Variants in SH3GL2 observed in about 807,000 individuals in gnomAD.
SH3GL2 encodes SH3 domain containing GRB2 like 2, endophilin A1.
Under a neutral mutation model 46.0 loss-of-function variants are expected in SH3GL2, and 24 were observed. That is an observed-to-expected ratio of 0.52 (90% CI 0.38 to 0.73). The LOEUF is 0.73. SH3GL2 is among the 30% of genes least tolerant of loss of function. SH3GL2 has a pLI of 0.00. For missense variants in SH3GL2, 413 were observed against 424.2 expected, an observed-to-expected ratio of 0.97 and a Z score of 0.23; for synonymous variants, 196 against 147.1, an observed-to-expected ratio of 1.33 and a Z score of -2.40.
At chr9:17,673,074 A>G (rs1157331970) in intron 1 of SH3GL2, among the ~76,000 whole-genome samples, 4 of 151,904 alleles carry the variant, frequency 2.6e-5, no homozygotes, top group Admixed American at 6.6e-5. Context: ...TGGTCTGTCA[A>G]TTCTGCTTCA....
At chr9:17,705,076 A>C (rs1048152307) in intron 1 of SH3GL2, among the ~76,000 whole-genome samples, 1 of 152,018 alleles carries the variant, frequency 6.6e-6, no homozygotes, top group African/African-American at 2.4e-5. Context: ...TAAAAAATGC[A>C]CAAAAGACAT....
intron 2 of SH3GL2, among the ~76,000 whole-genome samples, chr9:17,756,645 G>T (rs1367536276): frequency 6.6e-6 from 1 of 151,974 alleles, no homozygotes; most frequent in Non-Finnish European, 1.5e-5. Flanking sequence ...TCCCTACAAA[G>T]GACATGAACT....
rs117969881 is a variant in SH3GL2 at position 17,612,998 on chromosome 9, G to A, written c.45+33711G>A. Among the ~76,000 whole-genome samples the A allele has an allele frequency of 2.7e-3, 408 of 152,170 alleles. 2 individuals carry two copies. Among genetic ancestry groups the A allele is most frequent in the Admixed American group, 4.4e-3 (68 of 15,294 alleles). On this transcript the variant is annotated intron_variant, in intron 1 of 8. Coordinates refer to ENST00000380607, the MANE Select transcript of SH3GL2 (RefSeq NM_003026.5). The stretch of plus-strand genomic sequence containing the variant: ...TTTCACAGTTTATCCATCTTGTAGC[G>A]TGTATCAATGCTTCATTCCTTTTTT...
intron 1 of SH3GL2, among the ~76,000 whole-genome samples, chr9:17,693,715 G>A (rs189356286): frequency 6.6e-6 from 1 of 152,146 alleles, no homozygotes; most frequent in South Asian, 2.1e-4. Context: ...AACCAAAGTT[G>A]CTAAGAACTC....
chr9:17,756,482 C>G (rs1052072006), intron 2 of SH3GL2, among the ~76,000 whole-genome samples: 3 of 124,714 alleles, frequency 2.4e-5, no homozygotes, highest in East Asian at 2.9e-4. Flanking sequence ...CCCCTCCCCC[C>G]ACCCCACGGC....
At chr9:17,611,113 A>G (rs370549474) in intron 1 of SH3GL2, among the ~76,000 whole-genome samples, 1 of 152,294 alleles carries the variant, frequency 6.6e-6, no homozygotes, top group East Asian at 1.9e-4. Context: ...TTAATTTTTG[A>G]TGTTCATAGA....
chr9:17,763,491 A>C (rs1823235987), intron 3 of SH3GL2, among the ~76,000 whole-genome samples: 1 of 152,172 alleles, frequency 6.6e-6, no homozygotes, highest in Non-Finnish European at 1.5e-5. Context: ...GTGAAGAATG[A>C]GAAGAGGTTG....
chr9:17,717,452 C>T (rs1234855892), intron 1 of SH3GL2, among the ~76,000 whole-genome samples: 1 of 151,772 alleles, frequency 6.6e-6, no homozygotes, highest in Admixed American at 6.6e-5. Context: ...CTCTTCCTTC[C>T]CAAGTCATCT....
chr9:17,610,435 A>T (rs1219691817), intron 1 of SH3GL2, among the ~76,000 whole-genome samples: 2 of 152,202 alleles, frequency 1.3e-5, no homozygotes, highest in Non-Finnish European at 2.9e-5. Context: ...AGAGTATACA[A>T]TTTAGTAAGA....
At chr9:17,622,811 T>C (rs1369411943) in intron 1 of SH3GL2, among the ~76,000 whole-genome samples, 1 of 152,108 alleles carries the variant, frequency 6.6e-6, no homozygotes, top group African/African-American at 2.4e-5. Flanking sequence ...GGTCACTCCG[T>C]TGGCAGGGTA....
At chr9:17,757,913 G>A (rs760518265) in intron 2 of SH3GL2, among the ~76,000 whole-genome samples, 46 of 152,256 alleles carry the variant, frequency 3.0e-4, no homozygotes, top group Non-Finnish European at 5.1e-4. Context: ...GGTCTCATGG[G>A]GTTATGGCCC....
intron 1 of SH3GL2, among the ~76,000 whole-genome samples, chr9:17,664,849 C>G (rs1257136547): frequency 1.3e-5 from 2 of 151,354 alleles, no homozygotes; most frequent in Non-Finnish European, 2.9e-5. Flanking sequence ...AGGACAGTGA[C>G]ATTTTAGAGG....
At chr9:17,747,013 A>G (rs1277656765) in intron 1 of SH3GL2, 53 bp from the exon 2 acceptor site, 13 of 1,258,660 alleles carry the variant, frequency 1.0e-5, no homozygotes, top group East Asian at 2.4e-5. Context: ...TTTCTAACAC[A>G]TTTTTTAAAG....
intron 1 of SH3GL2, among the ~76,000 whole-genome samples, chr9:17,650,515 G>C (rs1422883160): frequency 6.6e-6 from 1 of 152,128 alleles, no homozygotes; most frequent in Non-Finnish European, 1.5e-5. Flanking sequence ...GGGATTACAG[G>C]CGTGTGCCAC....
intron 2 of SH3GL2, among the ~76,000 whole-genome samples, chr9:17,749,024 A>G (rs1822770903): frequency 2.0e-5 from 3 of 152,118 alleles, no homozygotes; most frequent in Non-Finnish European, 2.9e-5. Flanking sequence ...CTTGAGATAG[A>G]CCTCACTGAT....
At chr9:17,589,011 G>T (rs963870465) in intron 1 of SH3GL2, 2 of 152,116 alleles carry the variant, frequency 1.3e-5, no homozygotes, top group Non-Finnish European at 2.9e-5. Context: ...GCTATTACTG[G>T]TGCCTATAAT....
intron 3 of SH3GL2, among the ~76,000 whole-genome samples, chr9:17,778,898 A>G (rs1366060199): frequency 6.6e-6 from 1 of 152,132 alleles, no homozygotes; most frequent in Non-Finnish European, 1.5e-5. Flanking sequence ...TGAGAGTACT[A>G]TAGGAGGAGC....
intron 1 of SH3GL2, among the ~76,000 whole-genome samples, chr9:17,716,000 T>C (rs1157428822): frequency 1.3e-5 from 2 of 152,122 alleles, no homozygotes; most frequent in African/African-American, 4.8e-5. Context: ...GTATCACCTT[T>C]GCACTGTTGT....
At chr9:17,735,021 G>C (rs761349773) in intron 1 of SH3GL2, among the ~76,000 whole-genome samples, 3 of 152,088 alleles carry the variant, frequency 2.0e-5, no homozygotes, top group African/African-American at 7.2e-5. Flanking sequence ...TAAAGGACAA[G>C]TAACTTCAAA....
Sources: gnomAD v4.1 joint callset for allele counts (sites outside exome capture counted in the v4.1 genomes callset) on GRCh38, gnomAD v4.1.1 for gene constraint, MANE v1.5 for transcripts, NCBI Gene and HGNC (gene_info 2026-07-23, HGNC 2026-07-21) for gene names.